Variants in HPSE2 observed in about 807,000 individuals in gnomAD.
The protein encoded by HPSE2 is inactive heparanase-2.
A neutral mutation model predicts 60.5 loss-of-function variants in HPSE2; 38 were observed. That is an observed-to-expected ratio of 0.63 (90% CI 0.48 to 0.82). HPSE2 has a LOEUF of 0.82. Ranked by LOEUF, HPSE2 falls within the 40% of genes least tolerant of loss-of-function variation. The pLI is 0.00. For synonymous variants in HPSE2, 295 were observed against 293.2 expected (o/e 1.01, Z -0.06); for missense variants, 713 against 740.4 (o/e 0.96, Z 0.43).
At chr10:99,032,637 A>G (rs1957523407) in intron 3 of HPSE2, among the ~76,000 whole-genome samples, 1 of 152,212 alleles carries the variant, frequency 6.6e-6, no homozygotes, top group Non-Finnish European at 1.5e-5. Context: ...TTCATGGCTT[A>G]AACAATACAA....
At chr10:98,758,667 T>C (rs1363160813) in intron 3 of HPSE2, among the ~76,000 whole-genome samples, 1 of 152,168 alleles carries the variant, frequency 6.6e-6, no homozygotes, top group Admixed American at 6.5e-5. Flanking sequence ...ATGGCTGTTA[T>C]TAAAATGTCA....
At chr10:98,911,744 T>C (rs1247515596) in intron 3 of HPSE2, among the ~76,000 whole-genome samples, 1 of 152,056 alleles carries the variant, frequency 6.6e-6, no homozygotes, top group Non-Finnish European at 1.5e-5. Flanking sequence ...ATTAACACAG[T>C]AGTACTGCAA....
chr10:98,468,108 C>T (rs967656516), intron 11 of HPSE2, among the ~76,000 whole-genome samples: 1 of 152,256 alleles, frequency 6.6e-6, no homozygotes, highest in African/African-American at 2.4e-5. Context: ...CCCTGCCCTT[C>T]TCCAGGTCAG....
Position 98,947,947 on chromosome 10 carries a change from G to A in HPSE2, c.610+196291C>T, listed in dbSNP as rs115089754. On this transcript the variant is annotated intron_variant, in intron 3 of 11. Coordinates refer to ENST00000370552, the MANE Select transcript of HPSE2 (RefSeq NM_021828.5). ...GTTCCTGGCCACCCAGAACCCCATG[G>A]ATTCAACACTGAAGTCATCAAAGTG... 5.4e-3 allele frequency among the ~76,000 whole-genome samples: 822 copies of A among 152,118 alleles called. 13 individuals carry two copies. Among genetic ancestry groups the A allele is most frequent in the African/African-American group, 0.019 (786 of 41,512 alleles).
chr10:98,934,874 G>T (rs1954746504), intron 3 of HPSE2, among the ~76,000 whole-genome samples: 1 of 143,418 alleles, frequency 7.0e-6, no homozygotes, highest in Admixed American at 6.9e-5. Flanking sequence ...ATCCTGAAGG[G>T]TGTTTTACAA....
the HPSE2 span, among the ~76,000 whole-genome samples, chr10:99,275,129 C>A: frequency 6.6e-6 from 1 of 152,176 alleles, no homozygotes; most frequent in Non-Finnish European, 1.5e-5. Context: ...CAGTTCCCCC[C>A]AAATCCAGTA....
intron 3 of HPSE2, among the ~76,000 whole-genome samples, chr10:98,941,767 G>A (rs1316890517): frequency 3.7e-5 from 5 of 135,934 alleles, no homozygotes; most frequent in African/African-American, 6.3e-5. Flanking sequence ...AGCCCGCATC[G>A]CCAAGTCAAT....
At chr10:98,788,639 G>A (rs562158554) in intron 3 of HPSE2, among the ~76,000 whole-genome samples, 8 of 152,320 alleles carry the variant, frequency 5.3e-5, no homozygotes, top group African/African-American at 1.4e-4. Context: ...GTGGGATATC[G>A]TCTCGTGGTG....
At chr10:98,524,989 T>C (rs1208145323) in intron 9 of HPSE2, among the ~76,000 whole-genome samples, 1 of 152,134 alleles carries the variant, frequency 6.6e-6, no homozygotes, top group African/African-American at 2.4e-5. Context: ...AGACAAAGCT[T>C]TACATTTTGG....
rs142713227 is a variant in HPSE2 at position 98,582,908 on chromosome 10, C to A, written c.1320+31996G>T. Reference sequence around the variant, plus strand: ...TTCATAGTCATTCCCTATTTCTGTACCCCCTGCCACCCCCAACCGTTTTCT... The same window carrying A: ...TTCATAGTCATTCCCTATTTCTGTAACCCCTGCCACCCCCAACCGTTTTCT... On this transcript the variant is annotated intron_variant, in intron 9 of 11. Coordinates refer to ENST00000370552, the MANE Select transcript of HPSE2 (RefSeq NM_021828.5). Among the ~76,000 whole-genome samples, 875 of 152,182 alleles carry A rather than the reference C, an allele frequency of 5.7e-3. 8 individuals carry two copies. Among genetic ancestry groups the A allele is most frequent in the African/African-American group, 0.02 (829 of 41,500 alleles).
chr10:99,099,892 G>T (rs546460592), intron 3 of HPSE2, among the ~76,000 whole-genome samples: 1 of 152,288 alleles, frequency 6.6e-6, no homozygotes, highest in South Asian at 2.1e-4. Context: ...GGTCTGGAGT[G>T]GACCTCCAGC....
intron 3 of HPSE2, among the ~76,000 whole-genome samples, chr10:98,967,907 G>A (rs1955853771): frequency 6.6e-6 from 1 of 152,038 alleles, no homozygotes; most frequent in Admixed American, 6.6e-5. Flanking sequence ...AGTAAAGACT[G>A]AAATTCTGAG....
intron 11 of HPSE2, chr10:98,461,733 C>CAGAATTAGGTGCAAACCTTTCTTCTGA: frequency 6.5e-7 from 1 of 1,527,352 alleles, no homozygotes; most frequent in Non-Finnish European, 8.9e-7. Flanking sequence ...CTCCCATATA[C>CAGAATTAGGTGCAAACCTTTCTTCTGA]AGAATTAGGT....
chr10:99,232,858 C>G (rs1314435847), intron 1 of HPSE2, among the ~76,000 whole-genome samples: 3 of 152,254 alleles, frequency 2.0e-5, no homozygotes, highest in Non-Finnish European at 2.9e-5. Context: ...CGCAGTTGCC[C>G]GGCTTCTGCC....
intron 2 of HPSE2, among the ~76,000 whole-genome samples, chr10:99,167,304 C>T (rs999890583): frequency 6.6e-6 from 1 of 152,146 alleles, no homozygotes; most frequent in Non-Finnish European, 1.5e-5. Flanking sequence ...CCACCGTGCC[C>T]GGCCCATACT....
intron 3 of HPSE2, among the ~76,000 whole-genome samples, chr10:99,074,242 A>T (rs891338233): frequency 6.6e-6 from 1 of 152,060 alleles, no homozygotes; most frequent in African/African-American, 2.4e-5. Flanking sequence ...TTCCCAGTTA[A>T]TATATTGAGT....
At chr10:99,168,167 A>T (rs1056023902) in intron 2 of HPSE2, among the ~76,000 whole-genome samples, 1 of 151,432 alleles carries the variant, frequency 6.6e-6, no homozygotes, top group African/African-American at 2.4e-5. Flanking sequence ...TTTATACATT[A>T]ATTTGGAGAC....
chr10:98,516,437 C>T (rs1347355107), intron 9 of HPSE2, among the ~76,000 whole-genome samples: 2 of 152,122 alleles, frequency 1.3e-5, no homozygotes, highest in South Asian at 2.1e-4. Context: ...AAATAAAAAA[C>T]GTTGCCAGAA....
the HPSE2 span, among the ~76,000 whole-genome samples, chr10:99,259,349 A>G: frequency 6.6e-6 from 1 of 151,814 alleles, no homozygotes; most frequent in Non-Finnish European, 1.5e-5. Context: ...CTGAAAAGAC[A>G]AGCTACTGAC....
Sources: gnomAD v4.1 joint callset for allele counts (sites outside exome capture counted in the v4.1 genomes callset) on GRCh38, gnomAD v4.1.1 for gene constraint, MANE v1.5 for transcripts, NCBI Gene and HGNC (gene_info 2026-07-23, HGNC 2026-07-21) for gene names.